Variants in WIPF1 observed in about 807,000 individuals in gnomAD.
WIPF1 encodes WAS/WASL interacting protein family member 1.
In WIPF1, 13 loss-of-function variants were observed where a neutral mutation model predicts 35.4. That is an observed-to-expected ratio of 0.37 (90% confidence interval 0.24 to 0.58). The LOEUF (loss-of-function observed/expected upper bound fraction) is 0.58. Ranked by LOEUF, WIPF1 falls within the 20% of genes least tolerant of loss-of-function variation. WIPF1 has a pLI of 0.74. For synonymous variants in WIPF1, 267 were observed against 266.3 expected (o/e 1.00, Z -0.02); for missense variants, 591 against 667.0 (o/e 0.89, Z 1.25).
In WIPF1 at chr2:174,568,975, T is replaced by C. The variant is rs192808241; in HGVS notation, c.1130-902A>G. Among the ~76,000 whole-genome samples, 7 of 152,320 alleles carry C rather than the reference T, an allele frequency of 4.6e-5. No homozygotes were observed. In the East Asian group the frequency reaches 1.3e-3, roughly 29 times the overall value. On this transcript the variant is annotated intron_variant, in intron 5 of 7. Coordinates refer to ENST00000679041, the MANE Select transcript of WIPF1 (RefSeq NM_001375834.1). ...ATACAAAAGAAAACCATCTTGCTTT[T>C]CCTATCCTCCAAATGCAGGGGCTAT... is the stretch of plus-strand genomic sequence containing the variant.
In WIPF1 at chr2:174,673,056, TG is replaced by T. The variant is rs1281970583; in HGVS notation, c.-39+9717del. ...ACATCAGCCTTCAGGCATCAGCATA[TG>T]GGGGCCTCAAAAAGATGCAAGTTTT... is the stretch of plus-strand genomic sequence containing the variant. On this transcript the variant is annotated intron_variant, in intron 1 of 8. Coordinates refer to the WIPF1 transcript ENST00000272746. Among the ~76,000 whole-genome samples, 10 of 152,138 alleles carry T rather than the reference TG, an allele frequency of 6.6e-5. No homozygotes were observed. The East Asian group carries it at 1.9e-3, about 29-fold the overall frequency.
At chr2:174,682,252 G>A (rs139485678) in intron 1 of WIPF1, among the ~76,000 whole-genome samples, 1 of 152,118 alleles carries the variant, frequency 6.6e-6, no homozygotes, top group East Asian at 1.9e-4. Context: ...CGGGAGGGCC[G>A]GGAGGGAGGC....
chr2:174,624,241 T>C (rs372208431), intron 1 of WIPF1, among the ~76,000 whole-genome samples: 1 of 152,216 alleles, frequency 6.6e-6, no homozygotes, highest in African/African-American at 2.4e-5. Context: ...TAACCACATT[T>C]CTAATGACAG....
chr2:174,636,102 G>A (rs931968116), intron 1 of WIPF1, among the ~76,000 whole-genome samples: 8 of 152,140 alleles, frequency 5.3e-5, no homozygotes, highest in African/African-American at 1.7e-4. Flanking sequence ...TGCCATCTTG[G>A]AGTCAGAAAT....
intron 1 of WIPF1, among the ~76,000 whole-genome samples, chr2:174,592,757 C>T (rs2105860624): frequency 6.6e-6 from 1 of 152,092 alleles, no homozygotes; most frequent in African/African-American, 2.4e-5. Flanking sequence ...AGGCGTGTGC[C>T]ATCACACTTG....
intron 1 of WIPF1, among the ~76,000 whole-genome samples, chr2:174,681,844 C>A (rs983465436): frequency 6.6e-6 from 1 of 152,192 alleles, no homozygotes; most frequent in Non-Finnish European, 1.5e-5. Context: ...AATACTCCAT[C>A]GGGATTTAAG....
intron 1 of WIPF1, among the ~76,000 whole-genome samples, chr2:174,632,881 G>A (rs940593267): frequency 2.0e-5 from 3 of 152,136 alleles, no homozygotes; most frequent in African/African-American, 7.2e-5. Context: ...AAAACTGAAA[G>A]AAGAGCTCCT....
At chr2:174,611,280 T>C (rs1208815504) in intron 1 of WIPF1, among the ~76,000 whole-genome samples, 1 of 152,168 alleles carries the variant, frequency 6.6e-6, no homozygotes, top group Non-Finnish European at 1.5e-5. Context: ...AGAGCAGCAC[T>C]AATCCAGGCA....
In WIPF1 at chr2:174,627,892, A is replaced by AT. The variant is rs199500991; in HGVS notation, c.-38-42282dup. Among the ~76,000 whole-genome samples, 3 of 152,152 alleles carry AT rather than the reference A, an allele frequency of 2.0e-5. No individual in the cohort carries two copies. In the East Asian group the frequency reaches 5.8e-4, roughly 29 times the overall value. On this transcript the variant is annotated intron_variant, in intron 1 of 8. Transcript: ENST00000272746. The stretch of plus-strand genomic sequence containing the variant: ...TAGCAGGACCCATGTATTACATCTC[A>AT]TTTTTTAATTTTAATAATGTTTGTG...
intron 4 of WIPF1, 28 bp downstream of exon 4, chr2:174,575,176 C>A: frequency 6.3e-7 from 1 of 1,583,420 alleles, no homozygotes; most frequent in Non-Finnish European, 8.6e-7. Context: ...TGTCTTCAGT[C>A]ACTCAGAGAC....
intron 1 of WIPF1, among the ~76,000 whole-genome samples, chr2:174,641,962 A>G (rs1438473282): frequency 2.0e-5 from 3 of 152,210 alleles, no homozygotes; most frequent in African/African-American, 4.8e-5. Context: ...AAGCCAATAT[A>G]CAGGTTCAGT....
intron 1 of WIPF1, among the ~76,000 whole-genome samples, chr2:174,610,730 C>G (rs1030124323): frequency 6.6e-6 from 1 of 152,164 alleles, no homozygotes; most frequent in African/African-American, 2.4e-5. Flanking sequence ...GGAACTGTGG[C>G]TAAGGTCAAC....
At position 174,590,103 on chromosome 2, in the gene WIPF1, A is replaced by T. The variant is rs150794728; in HGVS notation, c.-38-4492T>A. Among the ~76,000 whole-genome samples, 109 of 152,270 alleles carry T rather than the reference A, an allele frequency of 7.2e-4. No homozygotes were observed. Among genetic ancestry groups the T allele is most frequent in the South Asian group, 6.8e-3 (33 of 4,830 alleles). On this transcript the variant is annotated intron_variant, in intron 1 of 7. Transcript: ENST00000679041. This position sits in a 1 kb window ranked among gnomAD's most constrained non-coding sequence, Gnocchi z 4.6. Reference sequence around the variant, plus strand: ...AAAACAAATTAAAATTAAATTTTTTAAAAAAAGGAGTCCTTTGGGCTTTAC... The same window carrying T: ...AAAACAAATTAAAATTAAATTTTTTTAAAAAAGGAGTCCTTTGGGCTTTAC...
intron 1 of WIPF1, among the ~76,000 whole-genome samples, chr2:174,657,329 T>C (rs1321322571): frequency 6.6e-6 from 1 of 152,228 alleles, no homozygotes; most frequent in Non-Finnish European, 1.5e-5. Context: ...AAATTATCAA[T>C]GTATGTCTAG....
rs760110596 is a variant in WIPF1 at position 174,571,663 on chromosome 2, C to T, written c.1129+13G>A. On this transcript the variant is annotated intron_variant, in intron 5 of 7. Transcript: ENST00000679041. The surrounding 1 kb of genome is among the most constrained non-coding windows in gnomAD (Gnocchi z 4.6). ...TGGGTTTTGGAAGCAACTCACTCCA[C>T]GTCTTGTCATACCTGATCGGCCTGG... The T allele has an allele frequency of 1.8e-5, 29 of 1,614,062 alleles. No individual in the cohort carries two copies. Among genetic ancestry groups the T allele is most frequent in the Admixed American group, 5.0e-5 (3 of 60,014 alleles).
chr2:174,624,803 A>AAACAT (rs1181489479), intron 1 of WIPF1, among the ~76,000 whole-genome samples: 4 of 152,064 alleles, frequency 2.6e-5, no homozygotes, highest in African/African-American at 9.7e-5. Flanking sequence ...GCATCTCATT[A>AAACAT]TTTTAATACC....
intron 1 of WIPF1, among the ~76,000 whole-genome samples, chr2:174,621,043 T>C (rs946784251): frequency 2.0e-5 from 3 of 152,114 alleles, no homozygotes; most frequent in Non-Finnish European, 1.5e-5. Flanking sequence ...TTAGGACTCA[T>C]GTAAGCTGTT....
intron 1 of WIPF1, among the ~76,000 whole-genome samples, chr2:174,632,272 C>T (rs1687045833): frequency 6.6e-6 from 1 of 152,130 alleles, no homozygotes; most frequent in Non-Finnish European, 1.5e-5. Flanking sequence ...AATGATGACA[C>T]TTTATAAGCC....
chr2:174,574,478 T>C (rs1010780210), intron 4 of WIPF1, among the ~76,000 whole-genome samples: 5 of 152,202 alleles, frequency 3.3e-5, no homozygotes, highest in Non-Finnish European at 5.9e-5. Context: ...GGACATCTTA[T>C]AAAAGGTCTA....
Sources: allele counts gnomAD v4.1 joint callset (sites outside exome capture counted in the v4.1 genomes callset), GRCh38; gene constraint gnomAD v4.1.1; non-coding constraint Gnocchi (gnomAD v3.1); transcripts MANE v1.5; gene names NCBI Gene and HGNC (gene_info 2026-07-23, HGNC 2026-07-21).